EZR: variants seen among roughly 807,000 people sequenced by gnomAD.
EZR encodes cytovillin 2.
A neutral mutation model predicts 74.8 loss-of-function variants in EZR; 40 were observed. The observed-to-expected ratio is 0.53, with a 90% confidence interval of 0.42 to 0.70. The LOEUF (loss-of-function observed/expected upper bound fraction) is 0.70. Among genes scored for constraint, EZR ranks in the 30% least tolerant of loss-of-function variants. The pLI, the probability that EZR is intolerant of heterozygous loss-of-function variation, is 0.00. For synonymous variants in EZR, 341 were observed against 283.3 expected, an observed-to-expected ratio of 1.20 and a Z score of -2.05; for missense variants, 678 against 755.8, an observed-to-expected ratio of 0.90 and a Z score of 1.21.
chr6:158,794,534 T>C (rs59994735), intron 2 of EZR, among the ~76,000 whole-genome samples: 5,953 of 152,166 alleles, frequency 0.039, 373 homozygotes, highest in African/African-American at 0.14. Flanking sequence ...GATTGTCCCA[T>C]AAAAAACTCA....
intron 2 of EZR, among the ~76,000 whole-genome samples, chr6:158,816,642 G>GA (rs1158400859): frequency 2.0e-5 from 3 of 152,136 alleles, no homozygotes; most frequent in Non-Finnish European, 4.4e-5. Context: ...ATTTTGTATA[G>GA]AAAATACTCT....
chr6:158,806,866 C>T (rs1212025691), intron 2 of EZR, among the ~76,000 whole-genome samples: 1 of 152,170 alleles, frequency 6.6e-6, no homozygotes, highest in South Asian at 2.1e-4. Flanking sequence ...CAGCAGCCAA[C>T]ACCCTTAATT....
At chr6:158,806,945 C>T (rs1777352696) in intron 2 of EZR, among the ~76,000 whole-genome samples, 1 of 152,192 alleles carries the variant, frequency 6.6e-6, no homozygotes, top group African/African-American at 2.4e-5. Context: ...TATATGTTTA[C>T]AAATAAAGTG....
At chr6:158,776,120 G>A (rs574974594) in intron 8 of EZR, among the ~76,000 whole-genome samples, 3 of 152,300 alleles carry the variant, frequency 2.0e-5, no homozygotes, top group African/African-American at 7.2e-5. Flanking sequence ...GGTGGTCAAG[G>A]GGACAGGCTG....
chr6:158,797,396 G>A (rs550902952), intron 2 of EZR, among the ~76,000 whole-genome samples: 13 of 151,934 alleles, frequency 8.6e-5, no homozygotes, highest in Non-Finnish European at 1.9e-4. Flanking sequence ...TGAATTTCAG[G>A]CAGTGGATTC....
chr6:158,772,294 C>T (rs1466568109), intron 8 of EZR, among the ~76,000 whole-genome samples: 9 of 152,234 alleles, frequency 5.9e-5, no homozygotes, highest in Admixed American at 5.2e-4. Context: ...GCAGCACAGA[C>T]AGCCACGTGC....
intron 12 of EZR, 52 bp downstream of exon 12, chr6:158,769,274 A>G: frequency 5.2e-6 from 8 of 1,537,774 alleles, no homozygotes; most frequent in Middle Eastern, 1.8e-4. Flanking sequence ...ACCGCAGGCA[A>G]TTGGGCAACA....
intron 7 of EZR, among the ~76,000 whole-genome samples, chr6:158,779,649 C>G (rs968723070): frequency 6.6e-6 from 1 of 152,058 alleles, no homozygotes; most frequent in Non-Finnish European, 1.5e-5. Context: ...CTGCAGCCTC[C>G]GCCTCCCGGG....
intron 3 of EZR, 52 bp downstream of exon 3, chr6:158,789,236 C>CA: frequency 7.0e-7 from 1 of 1,420,294 alleles, no homozygotes; most frequent in South Asian, 1.2e-5. Context: ...TGAAATGTTG[C>CA]AAAACAGTTT....
At chr6:158,783,759 T>G in intron 6 of EZR, 93 bp from the exon 7 acceptor site, 12 of 1,317,304 alleles carry the variant, frequency 9.1e-6, no homozygotes, top group African/African-American at 2.9e-5. Flanking sequence ...TAAGGCGCCT[T>G]GTGTAGGATG....
Position 158,766,800 on chromosome 6 carries a change from A to C in EZR, c.*114T>G. The stretch of plus-strand genomic sequence containing the variant: ...TGTTTCTGTTGGGTAACTGCTTTCT[A>C]AAGGAACTGGGATCTGAGGGAGTTC... On this transcript the variant is annotated 3_prime_UTR_variant, in exon 14 of 14. Coordinates refer to ENST00000367075, the MANE Select transcript of EZR (RefSeq NM_001111077.2). 2 of 1,086,190 alleles carry C rather than the reference A, an allele frequency of 1.8e-6. No homozygotes were observed. The highest frequency in any genetic ancestry group is 2.7e-6 in the Non-Finnish European group (2 of 746,472). 67.3% of individuals were successfully genotyped at this position (1,086,190 alleles called of 1,614,324 possible).
At chr6:158,791,132 T>A (rs1332665908) in intron 2 of EZR, among the ~76,000 whole-genome samples, 1 of 132,186 alleles carries the variant, frequency 7.6e-6, no homozygotes, top group Admixed American at 7.3e-5. Context: ...GACTGAGAGA[T>A]CCTCTAACAT....
chr6:158,802,247 C>T (rs1777201854), intron 2 of EZR, among the ~76,000 whole-genome samples: 1 of 152,142 alleles, frequency 6.6e-6, no homozygotes, highest in South Asian at 2.1e-4. Context: ...TATGGAAAAC[C>T]AAGTAGCTGT....
chr6:158,782,078 A>G (rs1791447862), intron 7 of EZR, among the ~76,000 whole-genome samples: 1 of 151,914 alleles, frequency 6.6e-6, no homozygotes, highest in South Asian at 2.1e-4. Context: ...TTCTTTACCA[A>G]TGCTGCATCC....
intron 2 of EZR, among the ~76,000 whole-genome samples, chr6:158,793,994 G>C (rs763298893): frequency 6.6e-6 from 1 of 152,084 alleles, no homozygotes; most frequent in African/African-American, 2.4e-5. Flanking sequence ...ACAGACTTTG[G>C]GGCCACATGC....
At chr6:158,786,401 G>A (rs556874711) in intron 4 of EZR, among the ~76,000 whole-genome samples, 2 of 152,218 alleles carry the variant, frequency 1.3e-5, no homozygotes, top group South Asian at 4.1e-4. Flanking sequence ...AAACAAACAA[G>A]TACTATCACA....
At position 158,766,774 on chromosome 6, in the gene EZR, A is replaced by G. The variant is rs1420615511; in HGVS notation, c.*140T>C. The G allele has an allele frequency of 2.3e-6, 2 of 870,136 alleles. No homozygotes were observed. Among genetic ancestry groups the G allele is most frequent in the African/African-American group, 1.7e-5 (1 of 59,440 alleles). The allele number at this position is 870,136 out of a possible 1,614,324, so 53.9% of individuals were successfully genotyped here. A position where few individuals can be genotyped will look rare whatever the true frequency, so the allele number is the denominator to read the frequency against. ...GCGCCTCCCTGGTTCCCAGCCCAGA[A>G]TGTTTCTGTTGGGTAACTGCTTTCT... is the stretch of plus-strand genomic sequence containing the variant. On this transcript the variant is annotated 3_prime_UTR_variant, in exon 14 of 14. Coordinates refer to ENST00000367075, the MANE Select transcript of EZR (RefSeq NM_001111077.2).
chr6:158,785,164 G>C, intron 5 of EZR, 145 bp downstream of exon 5: 2 of 1,021,382 alleles, frequency 2.0e-6, no homozygotes, highest in Non-Finnish European at 2.8e-6. Context: ...TCAGGTCGCT[G>C]GTCAGTGACT....
Position 158,803,318 on chromosome 6 carries a change from C to G in EZR, c.13-13947G>C, listed in dbSNP as rs564956747. On this transcript the variant is annotated intron_variant, in intron 2 of 13. Transcript: ENST00000367075. Reference sequence around the variant, plus strand: ...AGTGACTCCAAATGAGTACTCGATACGAGGTATACGGTTATCCTCGTCTGA... The same window carrying G: ...AGTGACTCCAAATGAGTACTCGATAGGAGGTATACGGTTATCCTCGTCTGA... 4.7e-4 allele frequency among the ~76,000 whole-genome samples: 71 copies of G among 151,016 alleles called. 1 individual carries two copies. The highest frequency in any genetic ancestry group is 9.4e-4 in the Non-Finnish European group (64 of 67,802).
Sources: gnomAD v4.1 joint callset for allele counts (sites outside exome capture counted in the v4.1 genomes callset) on GRCh38, gnomAD v4.1.1 for gene constraint, MANE v1.5 for transcripts, NCBI Gene and HGNC (gene_info 2026-07-23, HGNC 2026-07-21) for gene names.